Variants in PRKAG2 observed in about 807,000 individuals in gnomAD.
PRKAG2 encodes 5'-AMP-activated protein kinase subunit gamma-2.
In PRKAG2, 26 loss-of-function variants were observed where a neutral mutation model predicts 69.6. That is an observed-to-expected ratio of 0.37 (90% confidence interval 0.27 to 0.52). PRKAG2 has a LOEUF of 0.52. PRKAG2 is among the 20% of genes least tolerant of loss of function. The pLI is 0.90. For missense variants in PRKAG2, 557 were observed against 740.0 expected (o/e 0.75, Z 2.87); for synonymous variants, 293 against 285.0 (o/e 1.03, Z -0.28).
intron 3 of PRKAG2, among the ~76,000 whole-genome samples, chr7:151,732,746 G>A (rs928143792): frequency 6.6e-6 from 1 of 152,154 alleles, no homozygotes; most frequent in Non-Finnish European, 1.5e-5. Context: ...AGGCTAGAGT[G>A]CAATGGCATA....
In PRKAG2 at chr7:151,614,694, C is replaced by T. The variant is rs577138010; in HGVS notation, c.754+17375G>A. On this transcript the variant is annotated intron_variant, in intron 5 of 15. Coordinates refer to ENST00000287878, the MANE Select transcript of PRKAG2 (RefSeq NM_016203.4). The surrounding 1 kb of genome is among the most constrained non-coding windows in gnomAD (Gnocchi z 4.4). ...GTGATGATCTGTGGCCCTAAGCCCA[C>T]TTTGCCAGGACCGCTCCAGTTCAGC... Among the ~76,000 whole-genome samples, 6 of 152,224 alleles carry T rather than the reference C, an allele frequency of 3.9e-5. No individual in the cohort carries two copies. Among genetic ancestry groups the T allele is most frequent in the Non-Finnish European group, 7.3e-5 (5 of 68,050 alleles).
chr7:151,710,100 G>A (rs950190535), intron 3 of PRKAG2, among the ~76,000 whole-genome samples: 1 of 152,124 alleles, frequency 6.6e-6, no homozygotes, highest in Admixed American at 6.5e-5. Flanking sequence ...GTTCCAAGTC[G>A]GAGCAGCCAC....
chr7:151,735,821 T>C, intron 3 of PRKAG2: 1 of 1,512,516 alleles, frequency 6.6e-7, no homozygotes, highest in East Asian at 2.5e-5. Flanking sequence ...AGCTACTGCT[T>C]AGGAGGGTGT....
chr7:151,561,037 C>G (rs1804837805), intron 14 of PRKAG2, among the ~76,000 whole-genome samples: 2 of 152,234 alleles, frequency 1.3e-5, no homozygotes, highest in South Asian at 4.2e-4. Context: ...GTCTGATTAC[C>G]TGGAAGACCT....
chr7:151,661,227 C>T (rs1830271290), intron 4 of PRKAG2, among the ~76,000 whole-genome samples: 1 of 152,084 alleles, frequency 6.6e-6, no homozygotes, highest in African/African-American at 2.4e-5. Context: ...GCTCTGTCAC[C>T]CAGGCTGGAG....
At position 151,673,838 on chromosome 7, in the gene PRKAG2, C is replaced by CTTT. The variant is rs57744338; in HGVS notation, c.684+1579_684+1581dup. 6.1e-3 allele frequency among the ~76,000 whole-genome samples: 534 copies of CTTT among 87,516 alleles called. 13 individuals are homozygous for CTTT. Among genetic ancestry groups the CTTT allele is most frequent in the African/African-American group, 0.011 (242 of 22,056 alleles). 57.4% of individuals were successfully genotyped at this position (87,516 alleles called of 152,430 possible). On this transcript the variant is annotated intron_variant, in intron 4 of 15. Transcript: ENST00000287878. ...GCCCTCATCCAATGTAGCTTGTGTT[C>CTTT]TTTTTTTTTTTTTTTTTTTTTTGAG...
intron 1 of PRKAG2, among the ~76,000 whole-genome samples, chr7:151,859,739 C>T (rs11971243): frequency 0.14 from 21,359 of 152,158 alleles, 1,660 homozygotes; most frequent in East Asian, 0.28. Context: ...CAGCCACTTG[C>T]CAGCCATCCT....
chr7:151,730,830 A>G (rs139179171), intron 3 of PRKAG2, among the ~76,000 whole-genome samples: 4 of 152,280 alleles, frequency 2.6e-5, no homozygotes, highest in African/African-American at 9.6e-5. Context: ...ATGGGCCAGG[A>G]AGGATGCTGG....
intron 3 of PRKAG2, among the ~76,000 whole-genome samples, chr7:151,767,979 G>A (rs1227266702): frequency 6.6e-6 from 1 of 152,216 alleles, no homozygotes; most frequent in Non-Finnish European, 1.5e-5. Flanking sequence ...AGATCAAGGT[G>A]AGGTAGGGCA....
intron 1 of PRKAG2, among the ~76,000 whole-genome samples, chr7:151,872,634 AG>A (rs1417178054): frequency 6.6e-6 from 1 of 152,254 alleles, no homozygotes; most frequent in African/African-American, 2.4e-5. Context: ...ACTGAGCAGC[AG>A]GGCGGCTGGG....
intron 9 of PRKAG2, among the ~76,000 whole-genome samples, chr7:151,572,257 TTAAA>T (rs1379937055): frequency 6.6e-6 from 1 of 152,218 alleles, no homozygotes; most frequent in Non-Finnish European, 1.5e-5. Flanking sequence ...ATTACTAGGT[TTAAA>T]TAAGAACAGA....
chr7:151,723,746 G>C (rs1387488231), intron 3 of PRKAG2, among the ~76,000 whole-genome samples: 3 of 152,194 alleles, frequency 2.0e-5, no homozygotes, highest in Non-Finnish European at 4.4e-5. Context: ...TGAAAGGTGT[G>C]TGAGTGGCAG....
intron 3 of PRKAG2, among the ~76,000 whole-genome samples, chr7:151,739,795 C>T (rs73484193): frequency 0.028 from 4,283 of 152,104 alleles, 184 homozygotes; most frequent in African/African-American, 0.098. Flanking sequence ...TACCTGCTTT[C>T]GCTTACACCA....
In PRKAG2 at chr7:151,658,198, A is replaced by ATAAATAAAT. The variant is rs1563361482; in HGVS notation, c.684+17221_684+17222insATTTATTTA. 1.8e-4 allele frequency among the ~76,000 whole-genome samples: 12 copies of ATAAATAAAT among 65,054 alleles called. No individual in the cohort carries two copies. In the East Asian group the frequency reaches 4.1e-3, roughly 22 times the overall value. The allele number at this position is 65,054 out of a possible 152,430, so 42.7% of individuals were successfully genotyped here. A position where few individuals can be genotyped will look rare whatever the true frequency, so the allele number is the denominator to read the frequency against. On this transcript the variant is annotated intron_variant, in intron 4 of 15. Coordinates refer to ENST00000287878, the MANE Select transcript of PRKAG2 (RefSeq NM_016203.4). The stretch of plus-strand genomic sequence containing the variant: ...ATAAATAAATAAATAAATAAATAAG[A>ATAAATAAAT]ATAATAGGGCTGGGTGCAGTGGCTC...
At position 151,668,597 on chromosome 7, in the gene PRKAG2, A is replaced by C. The variant is rs537364920; in HGVS notation, c.684+6823T>G. Among the ~76,000 whole-genome samples the C allele has an allele frequency of 1.2e-4, 18 of 152,286 alleles. No homozygotes were observed. The South Asian group carries it at 3.5e-3, about 30-fold the overall frequency. On this transcript the variant is annotated intron_variant, in intron 4 of 15. Transcript: ENST00000287878. ...TCAAAGCCATCTCAGCTGGAGGTGC[A>C]TCTCCCTTGTCCTGGGACATCCTAT...
At chr7:151,709,002 A>G (rs927692521) in intron 3 of PRKAG2, among the ~76,000 whole-genome samples, 5 of 152,136 alleles carry the variant, frequency 3.3e-5, no homozygotes, top group Non-Finnish European at 7.3e-5. Context: ...AAACCATGAC[A>G]CTGTGTGACA....
chr7:151,700,901 A>T (rs1249677314), intron 3 of PRKAG2, among the ~76,000 whole-genome samples: 1 of 152,234 alleles, frequency 6.6e-6, no homozygotes, highest in Non-Finnish European at 1.5e-5. Flanking sequence ...GAACCCATCC[A>T]GCCTGCCCGG....
chr7:151,629,603 C>T (rs1444327190), intron 5 of PRKAG2, among the ~76,000 whole-genome samples: 1 of 152,208 alleles, frequency 6.6e-6, no homozygotes, highest in Non-Finnish European at 1.5e-5. Context: ...CAGGGTAGAA[C>T]TCAATCTTTC....
chr7:151,816,786 G>A (rs1162989593), intron 1 of PRKAG2, among the ~76,000 whole-genome samples: 1 of 152,228 alleles, frequency 6.6e-6, no homozygotes, highest in Non-Finnish European at 1.5e-5. Flanking sequence ...CTTGCTGGGT[G>A]AGCTGGGCCT....
Sources: gnomAD v4.1 joint callset for allele counts (sites outside exome capture counted in the v4.1 genomes callset) on GRCh38, gnomAD v4.1.1 for gene constraint, Gnocchi (gnomAD v3.1) non-coding constraint, MANE v1.5 for transcripts, NCBI Gene and HGNC (gene_info 2026-07-23, HGNC 2026-07-21) for gene names.